Variants in ZNF804A observed in about 807,000 individuals in gnomAD.
ZNF804A encodes zinc finger protein 804A.
In ZNF804A, 2 loss-of-function variants were observed where a neutral mutation model predicts 16.5. The observed-to-expected ratio is 0.12, with a 90% CI of 0.05 to 0.38. The LOEUF is 0.38. Ranked by LOEUF, ZNF804A falls within the 10% of genes least tolerant of loss-of-function variation. ZNF804A has a pLI of 0.99. For missense variants in ZNF804A, 1,473 were observed against 1,390.7 expected, an observed-to-expected ratio of 1.06 and a Z score of -0.94; for synonymous variants, 534 against 489.6, an observed-to-expected ratio of 1.09 and a Z score of -1.20.
At chr2:184,617,480 A>AG (rs1691346270) in intron 1 of ZNF804A, among the ~76,000 whole-genome samples, 1 of 151,950 alleles carries the variant, frequency 6.6e-6, no homozygotes, top group Non-Finnish European at 1.5e-5. Context: ...TGAATAGCAG[A>AG]ACAAATGCAA....
chr2:184,622,329 G>A lies in ZNF804A; in HGVS notation c.111+23259G>A, dbSNP rs373429316. On this transcript the variant is annotated intron_variant, in intron 1 of 3. Transcript: ENST00000302277. ...CCTTTCTCCACAGTGTGAATTTATGGTTTTTCGATTGCTTTCTTTAAATGT... is the reference window on the plus strand; with the variant it reads ...CCTTTCTCCACAGTGTGAATTTATGATTTTTCGATTGCTTTCTTTAAATGT... 4.0e-5 allele frequency among the ~76,000 whole-genome samples: 6 copies of A among 151,780 alleles called. No individual in the cohort carries two copies. In the East Asian group the frequency reaches 9.7e-4, roughly 24 times the overall value.
At chr2:184,804,153 C>T (rs1368787689) in intron 1 of ZNF804A, among the ~76,000 whole-genome samples, 2 of 152,038 alleles carry the variant, frequency 1.3e-5, no homozygotes, top group Admixed American at 6.6e-5. Context: ...TGTGAGCCAC[C>T]GTGCCTGGCC....
At chr2:184,675,881 A>G (rs1201219432) in intron 1 of ZNF804A, among the ~76,000 whole-genome samples, 1 of 151,708 alleles carries the variant, frequency 6.6e-6, no homozygotes, top group Non-Finnish European at 1.5e-5. Flanking sequence ...ATTGAACTAG[A>G]TAAGCTTATA....
intron 1 of ZNF804A, among the ~76,000 whole-genome samples, chr2:184,794,476 CT>C (rs1694600413): frequency 6.6e-6 from 1 of 151,934 alleles, no homozygotes. Flanking sequence ...GATAGTAGTC[CT>C]TTGTCAGATG....
At chr2:184,763,347 T>C (rs1470474425) in intron 1 of ZNF804A, among the ~76,000 whole-genome samples, 4 of 152,140 alleles carry the variant, frequency 2.6e-5, no homozygotes, top group Admixed American at 2.6e-4. Flanking sequence ...AGAAAAAGAT[T>C]CGTAGACAGC....
At chr2:184,823,637 A>C (rs947548784) in intron 1 of ZNF804A, among the ~76,000 whole-genome samples, 3 of 152,054 alleles carry the variant, frequency 2.0e-5, no homozygotes, top group African/African-American at 7.2e-5. Context: ...TTTTTATTGG[A>C]TATACAGCTT....
At chr2:184,695,465 TAA>T (rs779929990) in intron 1 of ZNF804A, among the ~76,000 whole-genome samples, 17 of 51,826 alleles carry the variant, frequency 3.3e-4, no homozygotes, top group East Asian at 1.8e-3. Context: ...ACTCCGTCAT[TAA>T]AAAAAAAAAA....
At chr2:184,843,497 C>G (rs1031931733) in intron 1 of ZNF804A, among the ~76,000 whole-genome samples, 2 of 152,050 alleles carry the variant, frequency 1.3e-5, no homozygotes, top group Non-Finnish European at 2.9e-5. Flanking sequence ...TGGTCTCAAA[C>G]TCCTGACCTC....
chr2:184,856,995 C>T (rs1367119961), intron 1 of ZNF804A, among the ~76,000 whole-genome samples: 1 of 152,004 alleles, frequency 6.6e-6, no homozygotes, highest in African/African-American at 2.4e-5. Flanking sequence ...CTGGTCTTTA[C>T]TATTTCGTTC....
intron 1 of ZNF804A, among the ~76,000 whole-genome samples, chr2:184,682,693 C>T (rs938168670): frequency 6.6e-6 from 1 of 152,102 alleles, no homozygotes; most frequent in Non-Finnish European, 1.5e-5. Context: ...AATTTTGTGG[C>T]GTTTACTCTT....
intron 1 of ZNF804A, among the ~76,000 whole-genome samples, chr2:184,709,707 T>C (rs1229728885): frequency 1.3e-5 from 2 of 151,406 alleles, no homozygotes; most frequent in African/African-American, 4.8e-5. Flanking sequence ...TCCAAAATAA[T>C]GATTTTTGCA....
At chr2:184,830,110 C>CA (rs1695239089) in intron 1 of ZNF804A, among the ~76,000 whole-genome samples, 1 of 141,568 alleles carries the variant, frequency 7.1e-6, no homozygotes, top group South Asian at 2.3e-4. Flanking sequence ...ACACACCCAC[C>CA]CACACACACA....
intron 2 of ZNF804A, among the ~76,000 whole-genome samples, chr2:184,930,286 G>A (rs1301173987): frequency 6.6e-6 from 1 of 152,036 alleles, no homozygotes; most frequent in East Asian, 1.9e-4. Flanking sequence ...ATAATTTGAT[G>A]CATATGATAA....
At chr2:184,811,711 G>GA (rs1309181090) in intron 1 of ZNF804A, among the ~76,000 whole-genome samples, 6 of 152,078 alleles carry the variant, frequency 3.9e-5, no homozygotes, top group Admixed American at 3.9e-4. Context: ...GCAACATAGT[G>GA]AGACACTATC....
chr2:184,710,857 A>G (rs1002459786), intron 1 of ZNF804A, among the ~76,000 whole-genome samples: 2 of 151,822 alleles, frequency 1.3e-5, no homozygotes, highest in African/African-American at 4.8e-5. Context: ...TTAAGGCTGA[A>G]TAGTATTTCA....
At chr2:184,871,415 C>CAAAAAA in intron 2 of ZNF804A, among the ~76,000 whole-genome samples, 2 of 105,776 alleles carry the variant, frequency 1.9e-5, no homozygotes, top group Non-Finnish European at 4.1e-5. Flanking sequence ...ATTACTCCAG[C>CAAAAAA]AAAAAAAAAA....
rs191686165 is a variant in ZNF804A at position 184,864,045 on chromosome 2, G to C, written c.112-2324G>C. On this transcript the variant is annotated intron_variant, in intron 1 of 3. Transcript: ENST00000302277. The stretch of plus-strand genomic sequence containing the variant: ...TATTTTGTGATTTATCACTGTCTTA[G>C]TTCATTTGTGTTGTTCTAAAAGAAT... 1.6e-3 allele frequency among the ~76,000 whole-genome samples: 241 copies of C among 152,230 alleles called. 4 individuals carry two copies. The highest frequency in any genetic ancestry group is 3.4e-3 in the Middle Eastern group (1 of 292).
chr2:184,882,726 A>G (rs906078111), intron 2 of ZNF804A, among the ~76,000 whole-genome samples: 22 of 152,056 alleles, frequency 1.4e-4, no homozygotes, highest in African/African-American at 5.1e-4. Context: ...AAATCAAGAA[A>G]TTACTTGAAA....
At chr2:184,670,141 G>C (rs1480199311) in intron 1 of ZNF804A, among the ~76,000 whole-genome samples, 1 of 151,980 alleles carries the variant, frequency 6.6e-6, no homozygotes, top group African/African-American at 2.4e-5. Context: ...GAAGTCTTTT[G>C]TCAGCCTAAT....
Sources: gnomAD v4.1 joint callset for allele counts (sites outside exome capture counted in the v4.1 genomes callset) on GRCh38, gnomAD v4.1.1 for gene constraint, MANE v1.5 for transcripts, NCBI Gene and HGNC (gene_info 2026-07-23, HGNC 2026-07-21) for gene names.